Variants in SDK1 observed in about 807,000 individuals in gnomAD.
SDK1 encodes sidekick cell adhesion molecule 1.
Under a neutral mutation model 245.5 loss-of-function variants are expected in SDK1, and 157 were observed. That is an observed-to-expected ratio of 0.64 (90% CI 0.56 to 0.73). The LOEUF is 0.73. SDK1 is among the 30% of genes least tolerant of loss of function. SDK1 has a pLI of 0.00. For synonymous variants in SDK1, 1,647 were observed against 1,278.5 expected (o/e 1.29, Z -6.15); for missense variants, 3,583 against 3,002.3 (o/e 1.19, Z -4.52).
At chr7:4,213,064 A>G (rs1440893539) in intron 38 of SDK1, among the ~76,000 whole-genome samples, 1 of 152,180 alleles carries the variant, frequency 6.6e-6, no homozygotes, top group Non-Finnish European at 1.5e-5. Context: ...GCGGATCACA[A>G]GGTCAAGAGA....
intron 5 of SDK1, among the ~76,000 whole-genome samples, chr7:3,891,291 C>G (rs909719555): frequency 2.6e-5 from 4 of 152,026 alleles, no homozygotes; most frequent in Non-Finnish European, 5.9e-5. Flanking sequence ...CTTTCCAGGC[C>G]GTGGTTTTCG....
intron 1 of SDK1, among the ~76,000 whole-genome samples, chr7:3,409,379 C>T (rs1779139525): frequency 6.6e-6 from 1 of 151,240 alleles, no homozygotes; most frequent in Admixed American, 6.6e-5. Flanking sequence ...AATCTGATCA[C>T]ATACTTACTG....
intron 4 of SDK1, among the ~76,000 whole-genome samples, chr7:3,762,298 A>T (rs957069522): frequency 2.0e-5 from 3 of 152,222 alleles, no homozygotes; most frequent in Admixed American, 2.0e-4. Flanking sequence ...TGATGATGGC[A>T]TTTGTGGAGA....
At chr7:4,134,436 G>T (rs1009267549) in intron 28 of SDK1, among the ~76,000 whole-genome samples, 1 of 152,210 alleles carries the variant, frequency 6.6e-6, no homozygotes, top group African/African-American at 2.4e-5. Flanking sequence ...CCAGCAGACA[G>T]CTGTGGCGAG....
At chr7:4,009,548 C>T (rs1175758766) in intron 14 of SDK1, among the ~76,000 whole-genome samples, 1 of 152,252 alleles carries the variant, frequency 6.6e-6, no homozygotes, top group Non-Finnish European at 1.5e-5. Context: ...GGGGGATCCT[C>T]ATCAGCTGCC....
intron 14 of SDK1, among the ~76,000 whole-genome samples, chr7:4,002,723 C>T (rs1413450269): frequency 1.3e-5 from 2 of 152,130 alleles, no homozygotes; most frequent in Non-Finnish European, 1.5e-5. Flanking sequence ...CCATTTTTTA[C>T]CCCTTTAAGG....
At chr7:4,031,940 T>C (rs1333220290) in intron 17 of SDK1, among the ~76,000 whole-genome samples, 1 of 150,354 alleles carries the variant, frequency 6.7e-6, no homozygotes, top group Non-Finnish European at 1.5e-5. Flanking sequence ...GTCAGGAGAA[T>C]CGCTTGAACC....
At chr7:4,156,456 T>C (rs1411154053) in intron 30 of SDK1, among the ~76,000 whole-genome samples, 1 of 152,186 alleles carries the variant, frequency 6.6e-6, no homozygotes, top group Non-Finnish European at 1.5e-5. Flanking sequence ...GTGGCTGTTT[T>C]TCCAGTTGTG....
At chr7:3,841,783 G>A (rs968130710) in intron 5 of SDK1, among the ~76,000 whole-genome samples, 1 of 151,958 alleles carries the variant, frequency 6.6e-6, no homozygotes, top group South Asian at 2.1e-4. Flanking sequence ...GGCTGGTCTC[G>A]AACTCCTGAC....
rs9639627 is a variant in SDK1 at position 3,718,838 on chromosome 7, C to T, written c.713+76733C>T. ...GTTTGAAAGGAGGAATAAAAGTGTT[C>T]TTATTTGTGGATGACATTATTGTCT... On this transcript the variant is annotated intron_variant, in intron 4 of 44. Coordinates refer to ENST00000404826, the MANE Select transcript of SDK1 (RefSeq NM_152744.4). Among the ~76,000 whole-genome samples, 26 of 152,172 alleles carry T rather than the reference C, an allele frequency of 1.7e-4. No individual in the cohort carries two copies. The East Asian group carries it at 3.9e-3, about 23-fold the overall frequency.
chr7:3,609,174 A>T (rs1781512911), intron 1 of SDK1, among the ~76,000 whole-genome samples: 1 of 152,178 alleles, frequency 6.6e-6, no homozygotes, highest in African/African-American at 2.4e-5. Context: ...TCACAGGTTT[A>T]CTCTCTAATA....
Position 4,107,731 on chromosome 7 carries a change from C to T in SDK1, c.3325-2932C>T, listed in dbSNP as rs759748836. Among the ~76,000 whole-genome samples, 241 of 152,254 alleles carry T rather than the reference C, an allele frequency of 1.6e-3. 1 individual carries two copies. Among genetic ancestry groups the T allele is most frequent in the Non-Finnish European group, 1.1e-3 (76 of 68,018 alleles). ...CCAGTATCTGGTCCCAGCCCGCCTA[C>T]GACCCCCATCTCCTCCCCTGAGACA... On this transcript the variant is annotated intron_variant, in intron 22 of 44. Coordinates refer to ENST00000404826, the MANE Select transcript of SDK1 (RefSeq NM_152744.4).
At chr7:3,764,212 A>G (rs1422406055) in intron 4 of SDK1, among the ~76,000 whole-genome samples, 2 of 152,126 alleles carry the variant, frequency 1.3e-5, no homozygotes, top group African/African-American at 4.8e-5. Flanking sequence ...TTGCATTGTA[A>G]TATTTTTGCT....
chr7:3,990,995 C>CTGCTGGG (rs1350504162), intron 14 of SDK1, among the ~76,000 whole-genome samples: 2 of 152,244 alleles, frequency 1.3e-5, no homozygotes, highest in Admixed American at 1.3e-4. Flanking sequence ...GCTCTGCACT[C>CTGCTGGG]TGCTGGGTGC....
rs139637107 is a variant in SDK1 at position 4,063,813 on chromosome 7, T to C, written c.2912-4025T>C. ...GAACAGAATAGAGCACCCAGAAACATATCCATATATTTACAACCAACTGAT... is the reference window on the plus strand; with the variant it reads ...GAACAGAATAGAGCACCCAGAAACACATCCATATATTTACAACCAACTGAT... On this transcript the variant is annotated intron_variant, in intron 19 of 44. Coordinates refer to ENST00000404826, the MANE Select transcript of SDK1 (RefSeq NM_152744.4). Among the ~76,000 whole-genome samples the C allele has an allele frequency of 2.5e-3, 375 of 152,122 alleles. 2 individuals are homozygous for C. The highest frequency in any genetic ancestry group is 8.5e-3 in the African/African-American group (353 of 41,528).
chr7:3,396,780 A>G lies in SDK1; in HGVS notation c.298+94896A>G, dbSNP rs79321062. Among the ~76,000 whole-genome samples, 1,386 of 151,804 alleles carry G rather than the reference A, an allele frequency of 9.1e-3. 20 individuals are homozygous for G. The highest frequency in any genetic ancestry group is 0.018 in the African/African-American group (757 of 41,516). ...TCTTCCAGACAGCATATGGTTGTCA[A>G]GTTTATTTTTCTCAGTCTATACTGT... On this transcript the variant is annotated intron_variant, in intron 1 of 44. Coordinates refer to ENST00000404826, the MANE Select transcript of SDK1 (RefSeq NM_152744.4).
chr7:3,888,959 G>A (rs1033817722), intron 5 of SDK1, among the ~76,000 whole-genome samples: 2 of 152,152 alleles, frequency 1.3e-5, no homozygotes, highest in African/African-American at 4.8e-5. Flanking sequence ...TTTTAAAAGT[G>A]GAGATCTAGG....
Position 3,388,277 on chromosome 7 carries a change from C to T in SDK1, c.298+86393C>T, listed in dbSNP as rs532073720. Among the ~76,000 whole-genome samples, 3 of 150,724 alleles carry T rather than the reference C, an allele frequency of 2.0e-5. No homozygotes were observed. The South Asian group carries it at 6.3e-4, about 32-fold the overall frequency. ...ATGTAAAGTTCTGAGGTTGAATAAG[C>T]CTTATTTTCTCTGTGGTCTAAACCA... On this transcript the variant is annotated intron_variant, in intron 1 of 44. Transcript: ENST00000404826.
chr7:3,675,909 T>C (rs964459004), intron 4 of SDK1, among the ~76,000 whole-genome samples: 1 of 152,222 alleles, frequency 6.6e-6, no homozygotes, highest in Admixed American at 6.5e-5. Flanking sequence ...TCTAACTTCC[T>C]TTTATACGTT....
Sources: allele counts gnomAD v4.1 joint callset (sites outside exome capture counted in the v4.1 genomes callset), GRCh38; gene constraint gnomAD v4.1.1; transcripts MANE v1.5; gene names NCBI Gene and HGNC (gene_info 2026-07-23, HGNC 2026-07-21).